ZNF462: variants seen among roughly 807,000 people sequenced by gnomAD.
ZNF462 encodes zinc finger PBX1-interacting protein.
In ZNF462, 10 loss-of-function variants were observed where a neutral mutation model predicts 201.9. That is an observed-to-expected ratio of 0.05 (90% confidence interval 0.03 to 0.08). The LOEUF (loss-of-function observed/expected upper bound fraction) is 0.08, where lower values mean the gene tolerates loss of function less well. Ranked by LOEUF, ZNF462 falls within the 10% of genes least tolerant of loss-of-function variation. The pLI, the probability that ZNF462 is intolerant of heterozygous loss-of-function variation, is 1.00. For missense variants in ZNF462, 2,523 were observed against 3,168.3 expected (o/e 0.80, Z 4.89); for synonymous variants, 1,227 against 1,193.3 (o/e 1.03, Z -0.58).
chr9:106,926,177 T>C lies in ZNF462; in HGVS notation c.2265T>C (p.Phe755=). Residue 755 remains phenylalanine, a synonymous_variant, in exon 3 of 13, where the codon TTT becomes TTC. Coordinates refer to ENST00000277225, the MANE Select transcript of ZNF462 (RefSeq NM_021224.6). This position sits in a 1 kb window ranked among gnomAD's most constrained non-coding sequence, Gnocchi z 7.9. The part of the protein sequence containing the change: ...TEPIIEVPTS[F]SAQQIWVRDT... ...CCATCATAGAGGTTCCCACTTCCTTTTCTGCCCAACAGATATGGGTAAGAG... is the reference window on the plus strand; with the variant it reads ...CCATCATAGAGGTTCCCACTTCCTTCTCTGCCCAACAGATATGGGTAAGAG... The C allele has an allele frequency of 6.2e-7, 1 of 1,614,196 alleles. No homozygotes were observed. Among genetic ancestry groups the C allele is most frequent in the Non-Finnish European group, 8.5e-7 (1 of 1,180,046 alleles).
At chr9:106,995,385 G>T (rs567979065) in intron 10 of ZNF462, 2 of 152,092 alleles carry the variant, frequency 1.3e-5, no homozygotes, top group South Asian at 2.1e-4. Flanking sequence ...ATTCGGAAAG[G>T]ATGCTACTGT....
chr9:107,002,130 T>A (rs1017005256), intron 10 of ZNF462, among the ~76,000 whole-genome samples: 2 of 152,180 alleles, frequency 1.3e-5, no homozygotes, highest in African/African-American at 4.8e-5. Context: ...TTTGGAATTG[T>A]CTTGTAAATT....
chr9:106,983,624 A>G (rs1827608273), intron 9 of ZNF462, among the ~76,000 whole-genome samples: 1 of 152,242 alleles, frequency 6.6e-6, no homozygotes, highest in South Asian at 2.1e-4. Context: ...TGCAATGTCT[A>G]TGACCTTTGG....
At chr9:106,869,940 A>G (rs1334689816) in intron 1 of ZNF462, among the ~76,000 whole-genome samples, 1 of 151,930 alleles carries the variant, frequency 6.6e-6, no homozygotes, top group Non-Finnish European at 1.5e-5. Context: ...TGAACTTTGC[A>G]TTTGGAGAAC....
At chr9:106,949,465 G>A (rs1057185989) in intron 7 of ZNF462, among the ~76,000 whole-genome samples, 1 of 152,152 alleles carries the variant, frequency 6.6e-6, no homozygotes, top group Non-Finnish European at 1.5e-5. Flanking sequence ...CCATGTTACT[G>A]CACTTTTCAT....
At chr9:106,986,896 A>G (rs935649416) in intron 10 of ZNF462, among the ~76,000 whole-genome samples, 4 of 152,158 alleles carry the variant, frequency 2.6e-5, no homozygotes, top group African/African-American at 9.7e-5. Flanking sequence ...TACTTCACTT[A>G]GAATACTAGT....
Position 106,964,611 on chromosome 9 carries a change from C to T in ZNF462, c.6428-7394C>T, listed in dbSNP as rs571003786. On this transcript the variant is annotated intron_variant, in intron 7 of 12. Coordinates refer to ENST00000277225, the MANE Select transcript of ZNF462 (RefSeq NM_021224.6). ...TGTGAAACAGTCTTAGAGCAGAGTC[C>T]TTCTAGATTTTTATGTTCTCAATCT... Among the ~76,000 whole-genome samples the T allele has an allele frequency of 1.2e-4, 18 of 152,146 alleles. No individual in the cohort carries two copies. In the East Asian group the frequency reaches 2.9e-3, roughly 25 times the overall value.
intron 7 of ZNF462, among the ~76,000 whole-genome samples, chr9:106,969,624 G>A (rs1327386126): frequency 6.6e-6 from 1 of 152,104 alleles, no homozygotes; most frequent in Admixed American, 6.6e-5. Flanking sequence ...GGAGATGTCA[G>A]GTACCTGGTA....
chr9:106,904,679 C>A (rs1431888521), intron 1 of ZNF462, among the ~76,000 whole-genome samples: 1 of 152,162 alleles, frequency 6.6e-6, no homozygotes, highest in Non-Finnish European at 1.5e-5. Context: ...AAGACCTTAT[C>A]TTCAAGCTCT....
chr9:106,967,980 T>C (rs539757701), intron 7 of ZNF462, among the ~76,000 whole-genome samples: 1 of 152,306 alleles, frequency 6.6e-6, no homozygotes, highest in South Asian at 2.1e-4. Flanking sequence ...TTGCATCTGT[T>C]CTAATGTTAT....
chr9:106,928,582 A>T lies in ZNF462; in HGVS notation c.4670A>T (p.Asp1557Val), dbSNP rs769546560. 8 of 1,614,020 alleles carry T rather than the reference A, an allele frequency of 5.0e-6. No homozygotes were observed. Among genetic ancestry groups the T allele is most frequent in the South Asian group, 1.1e-5 (1 of 91,086 alleles). ...GTGCACGACGTAGAGCAGTCTGCTGACATATCCCAGAATGACGTGGAGGAG... is the reference window on the plus strand; with the variant it reads ...GTGCACGACGTAGAGCAGTCTGCTGTCATATCCCAGAATGACGTGGAGGAG... The part of the protein sequence containing the change: ...DFVHDVEQSA[D>V]ISQNDVEETS... The change falls in exon 3 of 13, where the codon GAC becomes GTC. Residue 1557 changes from aspartate (D) to valine (V), a missense_variant. Physicochemically the swap from Asp to Val is radical, Grantham distance 152. Around this residue, in one of 15 missense-constraint regions of ZNF462, gnomAD observed 200 missense variants for 281.3 expected, o/e 0.71. Coordinates refer to ENST00000277225, the MANE Select transcript of ZNF462 (RefSeq NM_021224.6). This position sits in a 1 kb window ranked among gnomAD's most constrained non-coding sequence, Gnocchi z 9.3.
At chr9:106,945,847 A>C (rs945795772) in intron 7 of ZNF462, among the ~76,000 whole-genome samples, 9 of 152,224 alleles carry the variant, frequency 5.9e-5, no homozygotes, top group African/African-American at 2.2e-4. Flanking sequence ...GGAAATCTAC[A>C]GGGATTAAAT....
At position 107,003,414 on chromosome 9, in the gene ZNF462, G is replaced by C. The variant is rs200008501; in HGVS notation, c.7177G>C (p.Ala2393Pro). 5.6e-6 allele frequency: 9 copies of C among 1,613,584 alleles called. No homozygotes were observed. The highest frequency in any genetic ancestry group is 4.0e-5 in the African/African-American group (3 of 75,024). Residue 2393 changes from alanine to proline, a missense_variant, in exon 11 of 13, where the codon GCT becomes CCT. Ala to Pro is a conservative substitution (Grantham distance 27). Coordinates refer to ENST00000277225, the MANE Select transcript of ZNF462 (RefSeq NM_021224.6). The surrounding 1 kb of genome is among the most constrained non-coding windows in gnomAD (Gnocchi z 4.4). ...EDKEEEMNSK[A>P]EDRELMRFSD... ...CAAGGAAGAAGAAATGAACAGCAAG[G>C]CTGAAGACAGAGGTTAGTCTCATCC...
At chr9:106,906,954 T>C (rs1588033871) in intron 1 of ZNF462, among the ~76,000 whole-genome samples, 1 of 152,352 alleles carries the variant, frequency 6.6e-6, no homozygotes, top group East Asian at 1.9e-4. Context: ...TGATAATCCT[T>C]GTCTGGTTTT....
At position 106,974,464 on chromosome 9, in the gene ZNF462, C is replaced by A; in HGVS notation, c.6832+191C>A. 1.2e-6 allele frequency: 1 copy of A among 808,406 alleles called. No individual in the cohort carries two copies. Among genetic ancestry groups the A allele is most frequent in the East Asian group, 2.6e-5 (1 of 38,734 alleles). 50.1% of individuals were successfully genotyped at this position (808,406 alleles called of 1,614,324 possible). A position where few individuals can be genotyped will look rare whatever the true frequency, so the allele number is the denominator to read the frequency against. The stretch of plus-strand genomic sequence containing the variant: ...AAACACCTTCCTGCTGGGAGTATTT[C>A]CTCCACCTGGAGGGAGGCAAAGGTG... On this transcript the variant is annotated intron_variant, in intron 9 of 12. Coordinates refer to ENST00000277225, the MANE Select transcript of ZNF462 (RefSeq NM_021224.6). The surrounding 1 kb of genome is among the most constrained non-coding windows in gnomAD (Gnocchi z 4.0).
intron 1 of ZNF462, among the ~76,000 whole-genome samples, chr9:106,863,943 C>G (rs1407051818): frequency 6.6e-6 from 1 of 152,068 alleles, no homozygotes; most frequent in Non-Finnish European, 1.5e-5. Flanking sequence ...CTTTCTTTCT[C>G]TGTCCCTCTC....
intron 9 of ZNF462, chr9:106,976,476 T>C (rs926285298): frequency 3.3e-5 from 5 of 152,138 alleles, no homozygotes; most frequent in Non-Finnish European, 7.3e-5. Context: ...AATAGTAAGT[T>C]TTGCAGGGCA....
In ZNF462 at chr9:106,923,357, C is replaced by A. The variant is rs369637851; in HGVS notation, c.-27C>A. 6 of 1,610,978 alleles carry A rather than the reference C, an allele frequency of 3.7e-6. No individual in the cohort carries two copies. Among genetic ancestry groups the A allele is most frequent in the South Asian group, 1.1e-5 (1 of 91,012 alleles). On this transcript the variant is annotated 5_prime_UTR_variant, in exon 2 of 13. Coordinates refer to ENST00000277225, the MANE Select transcript of ZNF462 (RefSeq NM_021224.6). The surrounding 1 kb of genome is among the most constrained non-coding windows in gnomAD (Gnocchi z 5.6). Reference sequence around the variant, plus strand: ...TTTGTTCTGACTTCTGCCACAGGTTCCTAATGTGAGAGGCTAGACCCAGAT... The same window carrying A: ...TTTGTTCTGACTTCTGCCACAGGTTACTAATGTGAGAGGCTAGACCCAGAT...
Position 106,923,527 on chromosome 9 carries a change from C to T in ZNF462, c.144C>T (p.Ser48=), listed in dbSNP as rs745655320. ...EDNVNELRCG[S]VNASNQTEVE... is the part of the protein sequence containing the mutation. ...ATGTGAATGAGCTACGATGTGGGTC[C>T]GTGAATGCCAGTAATCAGACAGAGG... is the stretch of plus-strand genomic sequence containing the variant. Residue 48 remains serine (S), a synonymous_variant, in exon 2 of 13, where the codon TCC becomes TCT. Transcript: ENST00000277225. The surrounding 1 kb of genome is among the most constrained non-coding windows in gnomAD (Gnocchi z 5.6). 40 of 1,614,036 alleles carry T rather than the reference C, an allele frequency of 2.5e-5. No individual in the cohort carries two copies. Among genetic ancestry groups the T allele is most frequent in the South Asian group, 1.9e-4 (17 of 91,084 alleles).
Sources: gnomAD v4.1 joint callset for allele counts (sites outside exome capture counted in the v4.1 genomes callset) on GRCh38, gnomAD v4.1.1 for gene constraint, gnomAD v4.1.1 regional missense constraint, Gnocchi (gnomAD v3.1) non-coding constraint, MANE v1.5 for transcripts, NCBI Gene and HGNC (gene_info 2026-07-23, HGNC 2026-07-21) for gene names.